TSC22D1: variants seen among roughly 807,000 people sequenced by gnomAD.
TSC22D1 encodes TSC22 domain family protein 1.
TSC22D1 carries 9 observed loss-of-function variants against 74.2 expected under a neutral mutation model. The ratio of observed to expected loss-of-function variants is 0.12; its 90% CI spans 0.07 to 0.21. The LOEUF (loss-of-function observed/expected upper bound fraction) is 0.21. Among genes scored for constraint, TSC22D1 ranks in the 10% least tolerant of loss-of-function variants. TSC22D1 has a pLI of 1.00. For missense variants in TSC22D1, 1,427 were observed against 1,304.7 expected (o/e 1.09, Z -1.44); for synonymous variants, 586 against 492.5 (o/e 1.19, Z -2.51).
chr13:44,487,849 G>C (rs957353468), intron 1 of TSC22D1, among the ~76,000 whole-genome samples: 1 of 152,080 alleles, frequency 6.6e-6, no homozygotes, highest in Non-Finnish European at 1.5e-5. Context: ...TTCAGGCCAG[G>C]AGTTTGAGAC....
intron 1 of TSC22D1, among the ~76,000 whole-genome samples, chr13:44,444,125 A>T (rs1350444741): frequency 4.0e-5 from 6 of 151,744 alleles, no homozygotes; most frequent in Non-Finnish European, 8.8e-5. Flanking sequence ...CTAAAAATAC[A>T]AAAATTAGCT....
intron 1 of TSC22D1, among the ~76,000 whole-genome samples, chr13:44,519,659 A>G (rs1027902586): frequency 6.6e-6 from 1 of 152,186 alleles, no homozygotes; most frequent in Admixed American, 6.5e-5. Context: ...CCCAAAATTA[A>G]TTGGAAGCCA....
chr13:44,509,968 A>G (rs1344259168), intron 1 of TSC22D1, among the ~76,000 whole-genome samples: 2 of 149,892 alleles, frequency 1.3e-5, no homozygotes, highest in Non-Finnish European at 3.0e-5. Flanking sequence ...AAAAAAAAAA[A>G]AAAGCTAAAA....
Position 44,574,159 on chromosome 13 carries a change from T to C in TSC22D1, c.1916A>G (p.Gln639Arg). Reference protein sequence around the residue: ...YGQQQPMVSTQMAPGHVKSVT... With the variant: ...YGQQQPMVSTRMAPGHVKSVT... ...TGATTTGACATGGCCTGGGGCCATCTGTGTAGAAACCATTGGTTGCTGTTG... is the reference window on the plus strand; with the variant it reads ...TGATTTGACATGGCCTGGGGCCATCCGTGTAGAAACCATTGGTTGCTGTTG... Residue 639 changes from glutamine to arginine, a missense_variant, in exon 1 of 3, where the codon CAG becomes CGG. Gln to Arg is a conservative substitution (Grantham distance 43, BLOSUM62 1). Transcript: ENST00000458659. 1 of 1,614,272 alleles carries C rather than the reference T, an allele frequency of 6.2e-7. No homozygotes were observed. The highest frequency in any genetic ancestry group is 8.5e-7 in the Non-Finnish European group (1 of 1,180,048).
At chr13:44,466,265 GA>G (rs1254225392) in intron 1 of TSC22D1, among the ~76,000 whole-genome samples, 2 of 152,190 alleles carry the variant, frequency 1.3e-5, no homozygotes, top group East Asian at 3.9e-4. Flanking sequence ...GTACCAGAGG[GA>G]TTTGGGTAAA....
chr13:44,535,824 G>A (rs1214035180), intron 1 of TSC22D1, among the ~76,000 whole-genome samples: 1 of 151,866 alleles, frequency 6.6e-6, no homozygotes, highest in South Asian at 2.1e-4. Flanking sequence ...GTAGAGGAGA[G>A]TCTATGTTTT....
Position 44,575,906 on chromosome 13 carries a change from C to G in TSC22D1, c.169G>C (p.Asp57His). 6.2e-7 allele frequency: 1 copy of G among 1,613,904 alleles called. No homozygotes were observed. The highest frequency in any genetic ancestry group is 8.5e-7 in the Non-Finnish European group (1 of 1,179,992). The change falls in exon 1 of 3, where the codon GAT becomes CAT. Residue 57 changes from aspartate (D) to histidine (H), a missense_variant. Physicochemically the swap from Asp to His is moderately conservative, Grantham distance 81. Coordinates refer to ENST00000458659, the MANE Select transcript of TSC22D1 (RefSeq NM_183422.4). ...TGAAGCAGCGACGGAGGCGGAAAAT[C>G]CTCGGAAGATGTGGCATTACTACCG... ...GVGSNATSSEDFPPPSLLQPP... is the reference protein window; with the variant it reads ...GVGSNATSSEHFPPPSLLQPP...
At chr13:44,500,608 A>G (rs1214914246) in intron 1 of TSC22D1, among the ~76,000 whole-genome samples, 1 of 152,186 alleles carries the variant, frequency 6.6e-6, no homozygotes, top group South Asian at 2.1e-4. Flanking sequence ...CAAAATTTCT[A>G]AATTATAATC....
rs1884138116 is a variant in TSC22D1, at chr13:44,575,315, G to A, written c.760C>T (p.Pro254Ser). The change falls in exon 1 of 3, where the codon CCC becomes TCC. Residue 254 changes from proline to serine, a missense_variant. Pro to Ser is a moderately conservative substitution (Grantham distance 74). Around this residue, in one of 3 missense-constraint regions of TSC22D1, gnomAD observed 1,343 missense variants for 1,191.5 expected, o/e 1.13. Transcript: ENST00000458659. The stretch of plus-strand genomic sequence containing the variant: ...AGTTTTCTAGATACTGGGCTTGAGG[G>A]TGGCCCACCAGTAATGGATGCACTG... ...VASASITGGP[P>S]SSPVSRKLST... 6.2e-7 allele frequency: 1 copy of A among 1,614,202 alleles called. No individual in the cohort carries two copies. The highest frequency in any genetic ancestry group is 1.3e-5 in the African/African-American group (1 of 75,046).
At chr13:44,552,831 G>C (rs895253564) in intron 1 of TSC22D1, among the ~76,000 whole-genome samples, 9 of 151,894 alleles carry the variant, frequency 5.9e-5, no homozygotes, top group African/African-American at 2.2e-4. Context: ...TACTAAAAAT[G>C]CAAAAAATTA....
intron 1 of TSC22D1, among the ~76,000 whole-genome samples, chr13:44,473,887 A>C (rs766746471): frequency 6.6e-6 from 1 of 152,232 alleles, no homozygotes; most frequent in Non-Finnish European, 1.5e-5. Flanking sequence ...AATGGCTTCA[A>C]CTGAGGAGTC....
chr13:44,520,329 G>A (rs1020058905), intron 1 of TSC22D1, among the ~76,000 whole-genome samples: 24 of 152,162 alleles, frequency 1.6e-4, no homozygotes, highest in African/African-American at 5.6e-4. Context: ...GTAGTCTACT[G>A]TTTCAAATGC....
At chr13:44,551,494 C>T (rs1882271768) in intron 1 of TSC22D1, among the ~76,000 whole-genome samples, 1 of 151,932 alleles carries the variant, frequency 6.6e-6, no homozygotes, top group Non-Finnish European at 1.5e-5. Context: ...AATCTTAGCT[C>T]ACTGCAAACT....
chr13:44,455,780 ACACT>A (rs1370756910), intron 1 of TSC22D1, among the ~76,000 whole-genome samples: 1 of 152,214 alleles, frequency 6.6e-6, no homozygotes, highest in Non-Finnish European at 1.5e-5. Flanking sequence ...TGCACCGAAC[ACACT>A]CATTTATCTT....
intron 1 of TSC22D1, among the ~76,000 whole-genome samples, chr13:44,534,900 C>T (rs1290616573): frequency 6.6e-6 from 1 of 152,098 alleles, no homozygotes; most frequent in East Asian, 1.9e-4. Context: ...GAAATATATA[C>T]TCAACTTACC....
chr13:44,555,132 A>T (rs1322880814), intron 1 of TSC22D1, among the ~76,000 whole-genome samples: 2 of 152,048 alleles, frequency 1.3e-5, no homozygotes, highest in African/African-American at 4.8e-5. Flanking sequence ...AAAAAAAAAA[A>T]AATCCAAAGT....
intron 1 of TSC22D1, among the ~76,000 whole-genome samples, chr13:44,548,393 AGAGT>A (rs1881972980): frequency 2.0e-5 from 3 of 152,220 alleles, no homozygotes; most frequent in African/African-American, 7.2e-5. Context: ...CCTGGGTGAC[AGAGT>A]GAGACTCCAT....
At position 44,553,849 on chromosome 13, in the gene TSC22D1, G is replaced by A. The variant is rs79732137; in HGVS notation, c.2912+19314C>T. 7.9e-3 allele frequency among the ~76,000 whole-genome samples: 1,198 copies of A among 152,204 alleles called. 12 individuals carry two copies. The highest frequency in any genetic ancestry group is 0.027 in the African/African-American group (1,119 of 41,520). ...TCGCTCCACTGTATGTAATGAATTC[G>A]CTATTTTCTTATGCATTTAGAATGA... On this transcript the variant is annotated intron_variant, in intron 1 of 2. Coordinates refer to ENST00000458659, the MANE Select transcript of TSC22D1 (RefSeq NM_183422.4).
At chr13:44,538,382 T>A in intron 1 of TSC22D1, 1 of 985,272 alleles carries the variant, frequency 1.0e-6, no homozygotes. Context: ...AATTAAGAAG[T>A]TCACCCTTTA....
Sources: gnomAD v4.1 joint callset for allele counts (sites outside exome capture counted in the v4.1 genomes callset) on GRCh38, gnomAD v4.1.1 for gene constraint, gnomAD v4.1.1 regional missense constraint, MANE v1.5 for transcripts, NCBI Gene and HGNC (gene_info 2026-07-23, HGNC 2026-07-21) for gene names.